Variants in MEIS2 observed in about 807,000 individuals in gnomAD.
The protein encoded by MEIS2 is homeobox protein Meis2.
MEIS2 carries 9 observed loss-of-function variants against 58.6 expected under a neutral mutation model. The observed-to-expected ratio is 0.15, with a 90% CI of 0.09 to 0.27. The LOEUF is 0.27. Ranked by LOEUF, MEIS2 falls within the 10% of genes least tolerant of loss-of-function variation. The pLI is 1.00. For missense variants in MEIS2, 427 were observed against 635.0 expected (o/e 0.67, Z 3.52); for synonymous variants, 221 against 228.4 (o/e 0.97, Z 0.29).
intron 8 of MEIS2, among the ~76,000 whole-genome samples, chr15:36,995,758 G>GA (rs2060466426): frequency 1.9e-5 from 1 of 53,214 alleles, no homozygotes; most frequent in Admixed American, 1.9e-4. Context: ...AAGAAAGAAA[G>GA]AAAGAAAGAA....
chr15:37,043,837 G>A (rs982714369), intron 7 of MEIS2, among the ~76,000 whole-genome samples: 5 of 152,068 alleles, frequency 3.3e-5, no homozygotes, highest in Admixed American at 3.3e-4. Context: ...ACAGGCGCGT[G>A]CCACCACGCC....
intron 8 of MEIS2, among the ~76,000 whole-genome samples, chr15:37,021,519 C>T (rs1234216453): frequency 6.6e-6 from 1 of 152,216 alleles, no homozygotes; most frequent in Non-Finnish European, 1.5e-5. Flanking sequence ...TCCATCTCTA[C>T]TTTATCAGCA....
intron 6 of MEIS2, among the ~76,000 whole-genome samples, chr15:37,087,136 G>A (rs961226889): frequency 1.3e-5 from 2 of 152,092 alleles, no homozygotes; most frequent in African/African-American, 2.4e-5. Context: ...CCGGGTGCCC[G>A]TGTATGACTG....
chr15:37,002,855 A>G (rs1239739049), intron 8 of MEIS2, among the ~76,000 whole-genome samples: 1 of 152,094 alleles, frequency 6.6e-6, no homozygotes, highest in Admixed American at 6.6e-5. Flanking sequence ...TATTCTTTTT[A>G]TTTTATTTGC....
intron 8 of MEIS2, among the ~76,000 whole-genome samples, chr15:36,958,046 G>T (rs1275277136): frequency 2.0e-5 from 3 of 152,152 alleles, no homozygotes; most frequent in Non-Finnish European, 4.4e-5. Context: ...AGGGGAAAGT[G>T]ACCATTTCAG....
intron 8 of MEIS2, among the ~76,000 whole-genome samples, chr15:36,989,144 T>A (rs1267812415): frequency 6.6e-6 from 1 of 152,228 alleles, no homozygotes; most frequent in African/African-American, 2.4e-5. Flanking sequence ...TGCTGACTCA[T>A]TAACCATCAG....
At chr15:37,067,441 C>T (rs4283187) in intron 7 of MEIS2, among the ~76,000 whole-genome samples, 2,320 of 152,108 alleles carry the variant, frequency 0.015, 57 homozygotes, top group African/African-American at 0.053. Flanking sequence ...GGCTCTCCCA[C>T]CCTTATGTCT....
intron 8 of MEIS2, 188 bp downstream of exon 8, chr15:37,036,626 C>T (rs2141735342): frequency 1.9e-6 from 1 of 517,328 alleles, no homozygotes; most frequent in South Asian, 3.8e-5. Flanking sequence ...AAACCTGCTA[C>T]TTTCTAGAGG....
chr15:36,952,394 T>A (rs2058782692), intron 8 of MEIS2, among the ~76,000 whole-genome samples: 1 of 152,168 alleles, frequency 6.6e-6, no homozygotes, highest in Non-Finnish European at 1.5e-5. Context: ...AAATATATTT[T>A]GCAAATAGCA....
intron 9 of MEIS2, among the ~76,000 whole-genome samples, chr15:36,944,029 C>T (rs2058468913): frequency 6.6e-6 from 1 of 152,028 alleles, no homozygotes; most frequent in Non-Finnish European, 1.5e-5. Flanking sequence ...GGATTGGAGG[C>T]ACAGCTGCCT....
chr15:36,965,006 C>T (rs901285481), intron 8 of MEIS2, among the ~76,000 whole-genome samples: 2 of 152,132 alleles, frequency 1.3e-5, no homozygotes, highest in African/African-American at 4.8e-5. Context: ...TGTCTCATCT[C>T]ACTTGATAAA....
intron 8 of MEIS2, among the ~76,000 whole-genome samples, chr15:37,016,137 T>G (rs903570208): frequency 6.6e-6 from 1 of 152,144 alleles, no homozygotes. Context: ...GTTAGCCAAG[T>G]CAGCTAGCTC....
Position 37,093,724 on chromosome 15 carries a change from C to T in MEIS2, c.496G>A (p.Glu166Lys). 1.2e-6 allele frequency: 2 copies of T among 1,614,008 alleles called. No homozygotes were observed. The highest frequency in any genetic ancestry group is 1.3e-5 in the African/African-American group (1 of 74,992). Residue 166 changes from glutamate (E) to lysine (K), a missense_variant, in exon 6 of 12, where the codon GAA (glutamate) becomes AAA (lysine). By Grantham distance (56) the Glu-to-Lys change is moderately conservative. Around this residue, in one of 6 missense-constraint regions of MEIS2, gnomAD observed 138 missense variants for 263.0 expected, o/e 0.52. Transcript: ENST00000561208. ...FHLLELEKVH[E>K]LCDNFCHRYI... ...CGGTGGCAGAAGTTATCGCACAGTT[C>T]GTGGACCTAGAACGAAGGTCATGGT...
chr15:37,094,429 G>A, intron 5 of MEIS2, 98 bp downstream of exon 5: 1 of 1,160,462 alleles, frequency 8.6e-7, no homozygotes, highest in Non-Finnish European at 1.3e-6. Flanking sequence ...ATCTCCAGGT[G>A]CTCAATCCCT....
In MEIS2 at chr15:36,966,991, C is replaced by T. The variant is rs961576166; in HGVS notation, c.901-16591G>A. On this transcript the variant is annotated intron_variant, in intron 8 of 11. Coordinates refer to ENST00000561208, the MANE Select transcript of MEIS2 (RefSeq NM_170675.5). ...GTAGCTGGTGCCAGACCATCCTGGG[C>T]CTGTGGGTCATGTTAAAGGATGTAA... Among the ~76,000 whole-genome samples, 5 of 152,162 alleles carry T rather than the reference C, an allele frequency of 3.3e-5. No individual in the cohort carries two copies. In the East Asian group the frequency reaches 7.7e-4, roughly 24 times the overall value.
At chr15:36,920,045 C>A (rs2057435521) in intron 9 of MEIS2, among the ~76,000 whole-genome samples, 1 of 152,074 alleles carries the variant, frequency 6.6e-6, no homozygotes, top group Non-Finnish European at 1.5e-5. Flanking sequence ...GATACTGATG[C>A]TGGAATAAGA....
chr15:36,994,791 T>A (rs1759992125), intron 8 of MEIS2, among the ~76,000 whole-genome samples: 1 of 152,218 alleles, frequency 6.6e-6, no homozygotes, highest in African/African-American at 2.4e-5. Flanking sequence ...TTCCACAGCA[T>A]CCCTTTTAAA....
At chr15:36,922,757 G>T (rs1185311787) in intron 9 of MEIS2, among the ~76,000 whole-genome samples, 9 of 150,916 alleles carry the variant, frequency 6.0e-5, no homozygotes, top group Non-Finnish European at 8.9e-5. Flanking sequence ...AGTAGCTGGC[G>T]CATGCCACCA....
chr15:37,020,702 A>G (rs915800971), intron 8 of MEIS2, among the ~76,000 whole-genome samples: 5 of 148,910 alleles, frequency 3.4e-5, no homozygotes, highest in African/African-American at 1.2e-4. Flanking sequence ...TCTCACCACA[A>G]CCTAAATTAA....
Sources: allele counts gnomAD v4.1 joint callset (sites outside exome capture counted in the v4.1 genomes callset), GRCh38; gene constraint gnomAD v4.1.1; regional missense constraint gnomAD v4.1.1; transcripts MANE v1.5; gene names NCBI Gene and HGNC (gene_info 2026-07-23, HGNC 2026-07-21).